SFMBT2: variants seen among roughly 807,000 people sequenced by gnomAD.
SFMBT2 encodes scm-like with four MBT domains protein 2.
Under a neutral mutation model 110.1 loss-of-function variants are expected in SFMBT2, and 38 were observed. The ratio of observed to expected loss-of-function variants is 0.35; its 90% confidence interval spans 0.27 to 0.45. SFMBT2 has a LOEUF of 0.45. SFMBT2 is among the 20% of genes least tolerant of loss of function. The probability of loss-of-function intolerance (pLI) is 1.00; values close to 1 mark genes in which losing one functional copy is unlikely to be tolerated. For missense variants in SFMBT2, 1,011 were observed against 1,094.9 expected, an observed-to-expected ratio of 0.92 and a Z score of 1.08; for synonymous variants, 425 against 425.4, an observed-to-expected ratio of 1.00 and a Z score of 0.01.
intron 4 of SFMBT2, among the ~76,000 whole-genome samples, chr10:7,325,154 G>C (rs1843341435): frequency 1.3e-5 from 2 of 151,540 alleles, no homozygotes; most frequent in Admixed American, 1.3e-4. Context: ...TTTTAGTAGA[G>C]ACGGGGTTTC....
In SFMBT2 at chr10:7,172,121, T is replaced by C. The variant is rs768978636; in HGVS notation, c.2189A>G (p.Asp730Gly). 35 of 1,583,068 alleles carry C rather than the reference T, an allele frequency of 2.2e-5. No homozygotes were observed. The highest frequency in any genetic ancestry group is 2.5e-5 in the Non-Finnish European group (29 of 1,163,564). The change falls in exon 19 of 21, where the codon GAC becomes GGC. Residue 730 changes from aspartate to glycine, a missense_variant. Asp to Gly is a moderately conservative substitution (Grantham distance 94, BLOSUM62 -1). Around this residue, in one of 2 missense-constraint regions of SFMBT2, gnomAD observed 979 missense variants for 1,016.1 expected, o/e 0.96. Coordinates refer to ENST00000397167, the MANE Select transcript of SFMBT2 (RefSeq NM_001387889.1). The surrounding 1 kb of genome is among the most constrained non-coding windows in gnomAD (Gnocchi z 4.6). ...GGAGCCGGTCTCCTCACTGGCGGTG[T>C]CATCGTCCATGGCGTCAGCGTCCTC... is the stretch of plus-strand genomic sequence containing the variant. Reference protein sequence around the residue: ...EEEDADAMDDDTASEETGSEL... With the variant: ...EEEDADAMDDGTASEETGSEL...
At position 7,158,724 on chromosome 10, in the gene SFMBT2, T is replaced by C. The variant is rs1319003420; in HGVS notation, c.*5046A>G. 2.6e-5 allele frequency: 4 copies of C among 152,208 alleles called. No homozygotes were observed. The highest frequency in any genetic ancestry group is 2.6e-4 in the Admixed American group (4 of 15,288). 9.4% of individuals were successfully genotyped at this position (152,208 alleles called of 1,614,324 possible). On this transcript the variant is annotated 3_prime_UTR_variant, in exon 21 of 21. Coordinates refer to ENST00000397167, the MANE Select transcript of SFMBT2 (RefSeq NM_001387889.1). ...TAAAAATTAAAATATAACTCTGATA[T>C]AGATTTTCATTTATTTACATGAAAA...
intron 4 of SFMBT2, among the ~76,000 whole-genome samples, chr10:7,309,747 TA>T (rs1382476137): frequency 6.6e-6 from 1 of 152,290 alleles, no homozygotes; most frequent in East Asian, 1.9e-4. Context: ...AGTAATTCAG[TA>T]AATGTCCTAC....
At chr10:7,168,955 T>C (rs1160071908) in intron 20 of SFMBT2, among the ~76,000 whole-genome samples, 1 of 152,104 alleles carries the variant, frequency 6.6e-6, no homozygotes, top group Non-Finnish European at 1.5e-5. Flanking sequence ...TCATTCTTTT[T>C]TCTTTCTTTC....
chr10:7,336,845 A>T (rs1421589166), intron 4 of SFMBT2, among the ~76,000 whole-genome samples: 1 of 152,246 alleles, frequency 6.6e-6, no homozygotes, highest in East Asian at 1.9e-4. Flanking sequence ...CAATTTTAGC[A>T]GAACAGCTGA....
intron 2 of SFMBT2, among the ~76,000 whole-genome samples, chr10:7,378,060 AGT>A (rs1045587309): frequency 2.8e-5 from 4 of 142,582 alleles, no homozygotes; most frequent in African/African-American, 5.3e-5. Context: ...GATGGATGTG[AGT>A]GTGTGTGTGC....
chr10:7,260,190 C>T (rs957552388), intron 7 of SFMBT2, among the ~76,000 whole-genome samples: 4 of 152,176 alleles, frequency 2.6e-5, no homozygotes, highest in African/African-American at 9.7e-5. Flanking sequence ...GCAGACCAGT[C>T]ACCTGAAATG....
At chr10:7,333,394 T>G (rs1483581687) in intron 4 of SFMBT2, among the ~76,000 whole-genome samples, 2 of 140,466 alleles carry the variant, frequency 1.4e-5, no homozygotes, top group African/African-American at 5.5e-5. Flanking sequence ...AGGCTTACCT[T>G]TTTTTTTTTT....
intron 11 of SFMBT2, among the ~76,000 whole-genome samples, chr10:7,219,328 T>C (rs1839648027): frequency 6.6e-6 from 1 of 152,220 alleles, no homozygotes; most frequent in Non-Finnish European, 1.5e-5. Context: ...TTTGGGAATT[T>C]CCATTTATTT....
At chr10:7,334,087 G>C (rs936116959) in intron 4 of SFMBT2, among the ~76,000 whole-genome samples, 1 of 152,122 alleles carries the variant, frequency 6.6e-6, no homozygotes. Flanking sequence ...CCCTGCCTCC[G>C]ACAACAGGGA....
At chr10:7,187,068 G>A (rs1056350844) in intron 16 of SFMBT2, among the ~76,000 whole-genome samples, 2 of 152,180 alleles carry the variant, frequency 1.3e-5, no homozygotes, top group South Asian at 2.1e-4. Context: ...AGCTCTGATC[G>A]ACTTGGTAAC....
At chr10:7,211,024 G>C (rs1272577827) in intron 11 of SFMBT2, among the ~76,000 whole-genome samples, 1 of 152,096 alleles carries the variant, frequency 6.6e-6, no homozygotes, top group Non-Finnish European at 1.5e-5. Flanking sequence ...AAGAGATACG[G>C]GGTGTTTTCA....
intron 4 of SFMBT2, among the ~76,000 whole-genome samples, chr10:7,332,724 G>A (rs1415586025): frequency 6.6e-6 from 1 of 152,128 alleles, no homozygotes; most frequent in Non-Finnish European, 1.5e-5. Context: ...AGAATTGCAA[G>A]AACAAACACA....
intron 4 of SFMBT2, among the ~76,000 whole-genome samples, chr10:7,289,049 T>C (rs1842188944): frequency 1.3e-5 from 2 of 150,664 alleles, no homozygotes; most frequent in Admixed American, 6.6e-5. Flanking sequence ...CAGAGCCCAA[T>C]CTCACATGGA....
chr10:7,201,615 G>A (rs192096987), intron 13 of SFMBT2, among the ~76,000 whole-genome samples: 5 of 152,188 alleles, frequency 3.3e-5, no homozygotes, highest in East Asian at 1.9e-4. Context: ...CTCGACTACC[G>A]CAAGTGAAAA....
intron 1 of SFMBT2, among the ~76,000 whole-genome samples, chr10:7,410,048 CACACAT>C (rs1340269807): frequency 2.6e-5 from 4 of 152,126 alleles, no homozygotes; most frequent in Non-Finnish European, 5.9e-5. Flanking sequence ...AAAACATACA[CACACAT>C]ACACATACCC....
intron 1 of SFMBT2, among the ~76,000 whole-genome samples, chr10:7,389,389 T>C (rs568183694): frequency 2.8e-4 from 43 of 152,362 alleles, no homozygotes; most frequent in East Asian, 2.7e-3. Context: ...TATTTCCTTT[T>C]GTTTCTTAAG....
intron 16 of SFMBT2, among the ~76,000 whole-genome samples, chr10:7,187,095 A>T (rs374556278): frequency 1.3e-5 from 2 of 152,230 alleles, no homozygotes; most frequent in South Asian, 4.1e-4. Flanking sequence ...ACTAGTGCAA[A>T]CACTTGCAAA....
intron 9 of SFMBT2, among the ~76,000 whole-genome samples, chr10:7,235,426 A>C (rs1840223300): frequency 6.6e-6 from 1 of 152,152 alleles, no homozygotes; most frequent in Admixed American, 6.6e-5. Context: ...TTAATGCAAA[A>C]TGCCTTATCA....
Sources: gnomAD v4.1 joint callset for allele counts (sites outside exome capture counted in the v4.1 genomes callset) on GRCh38, gnomAD v4.1.1 for gene constraint, gnomAD v4.1.1 regional missense constraint, Gnocchi (gnomAD v3.1) non-coding constraint, MANE v1.5 for transcripts, NCBI Gene and HGNC (gene_info 2026-07-23, HGNC 2026-07-21) for gene names.